SSUH2: variants seen among roughly 807,000 people sequenced by gnomAD.
SSUH2 encodes the protein ssu-2 homolog.
SSUH2 carries 47 observed loss-of-function variants against 55.3 expected under a neutral mutation model. The observed-to-expected ratio is 0.85, with a 90% CI of 0.67 to 1.08. SSUH2 has a LOEUF of 1.08. Ranked by LOEUF, SSUH2 falls within the 50% of genes least tolerant of loss-of-function variation. SSUH2 has a pLI of 0.00. For synonymous variants in SSUH2, 212 were observed against 191.5 expected (o/e 1.11, Z -0.89); for missense variants, 535 against 490.7 (o/e 1.09, Z -0.85).
chr3:8,672,744 G>A (rs1210434081), intron 3 of SSUH2, among the ~76,000 whole-genome samples: 2 of 152,134 alleles, frequency 1.3e-5, no homozygotes, highest in Admixed American at 6.5e-5. Flanking sequence ...CACAAAAGGG[G>A]TGTACACTTC....
intron 3 of SSUH2, chr3:8,634,241 G>T: frequency 6.6e-6 from 4 of 606,396 alleles, no homozygotes; most frequent in South Asian, 1.9e-5. Flanking sequence ...GAAGACCCCA[G>T]CCAGGCACTG....
In SSUH2 at chr3:8,619,845, G is replaced by GGGA; in HGVS notation, c.*22_*23insTCC. 1 of 1,610,004 alleles carries GGGA rather than the reference G, an allele frequency of 6.2e-7. No individual in the cohort carries two copies. The highest frequency in any genetic ancestry group is 8.5e-7 in the Non-Finnish European group (1 of 1,178,028). ...CTTCCTTGGCAAACGTGAATGGCAG[G>GGGA]CTCTGGGGACAGCCATGCTATGTCA... On this transcript the variant is annotated 3_prime_UTR_variant, in exon 12 of 12. Transcript: ENST00000544814.
At chr3:8,655,569 G>C (rs1702851875) in intron 7 of SSUH2, among the ~76,000 whole-genome samples, 1 of 152,076 alleles carries the variant, frequency 6.6e-6, no homozygotes, top group African/African-American at 2.4e-5. Context: ...GGTCTCAGTG[G>C]GTCATTCTTG....
At chr3:8,680,934 G>A (rs1705890706) in intron 1 of SSUH2, among the ~76,000 whole-genome samples, 1 of 151,868 alleles carries the variant, frequency 6.6e-6, no homozygotes, top group Non-Finnish European at 1.5e-5. Flanking sequence ...GGTGAACACT[G>A]CCTGTGATGC....
intron 7 of SSUH2, 47 bp downstream of exon 7, chr3:8,629,617 G>T: frequency 1.2e-5 from 8 of 655,154 alleles, no homozygotes; most frequent in Non-Finnish European, 1.9e-5. Context: ...AGGATCCCCC[G>T]GCCACCACAC....
chr3:8,665,423 G>A (rs1201803222), intron 5 of SSUH2, among the ~76,000 whole-genome samples: 1 of 152,116 alleles, frequency 6.6e-6, no homozygotes, highest in African/African-American at 2.4e-5. Flanking sequence ...ACAGGGAGAG[G>A]TTCATTCTGC....
intron 3 of SSUH2, among the ~76,000 whole-genome samples, chr3:8,674,827 G>C (rs1283644337): frequency 6.6e-6 from 1 of 151,652 alleles, no homozygotes; most frequent in Non-Finnish European, 1.5e-5. Context: ...ACTGAGCTGG[G>C]CCAAGAGAGA....
intron 1 of SSUH2, among the ~76,000 whole-genome samples, chr3:8,643,861 T>C (rs1316042149): frequency 6.6e-6 from 1 of 152,150 alleles, no homozygotes; most frequent in East Asian, 1.9e-4. Flanking sequence ...AATCTCGTTT[T>C]ATAGATGAGA....
rs9990415 is a variant in SSUH2, at chr3:8,644,795, G to A, written c.-37C>T. The A allele has an allele frequency of 5.2e-6, 8 of 1,534,204 alleles. No homozygotes were observed. Among genetic ancestry groups the A allele is most frequent in the Middle Eastern group, 1.7e-4 (1 of 5,986 alleles). Reference sequence around the variant, plus strand: ...CCTGCCAAAGAGATGTCTGCCCTTCGAGTGTGCTTGGACCGATGTGCTCTG... The same window carrying A: ...CCTGCCAAAGAGATGTCTGCCCTTCAAGTGTGCTTGGACCGATGTGCTCTG... On this transcript the variant is annotated 5_prime_UTR_variant, in exon 1 of 12. Coordinates refer to ENST00000544814, the MANE Select transcript of SSUH2 (RefSeq NM_001256748.3).
intron 2 of SSUH2, among the ~76,000 whole-genome samples, chr3:8,679,106 T>C (rs1705729294): frequency 1.0e-5 from 1 of 97,818 alleles, no homozygotes; most frequent in African/African-American, 3.6e-5. Context: ...CTTTCCCCCC[T>C]GGCTCTTAGG....
upstream of SSUH2, among the ~76,000 whole-genome samples, chr3:8,645,655 T>G (rs535914931): frequency 6.6e-6 from 1 of 152,262 alleles, no homozygotes; most frequent in Admixed American, 6.5e-5. Context: ...ACGCCTTGAC[T>G]TCCCCATCCC....
intron 6 of SSUH2, among the ~76,000 whole-genome samples, chr3:8,661,567 C>T (rs1377524693): frequency 6.6e-6 from 1 of 152,210 alleles, no homozygotes; most frequent in Non-Finnish European, 1.5e-5. Flanking sequence ...TGGATGCTGA[C>T]AGGAGGCGTG....
chr3:8,679,493 TC>T lies in SSUH2; in HGVS notation c.-901+211del, dbSNP rs1334140329. On this transcript the variant is annotated intron_variant, in intron 2 of 18. Transcript: ENST00000317371. ...GCGGGGACTGAGAACCAGCCCCTAT[TC>T]CCCCCCTGGCTTTGGGACCCTCATC... Among the ~76,000 whole-genome samples, 5 of 130,098 alleles carry T rather than the reference TC, an allele frequency of 3.8e-5. No individual in the cohort carries two copies. In the East Asian group the frequency reaches 9.1e-4, roughly 24 times the overall value. 85.3% of individuals were successfully genotyped at this position (130,098 alleles called of 152,430 possible). A position where few individuals can be genotyped will look rare whatever the true frequency, so the allele number is the denominator to read the frequency against.
chr3:8,632,543 C>T (rs1195336742), intron 4 of SSUH2, among the ~76,000 whole-genome samples: 1 of 152,200 alleles, frequency 6.6e-6, no homozygotes, highest in African/African-American at 2.4e-5. Flanking sequence ...TCTTGGACAT[C>T]ACTTGCCCTC....
chr3:8,646,181 T>C (rs1407651859), upstream of SSUH2, among the ~76,000 whole-genome samples: 2 of 152,200 alleles, frequency 1.3e-5, no homozygotes, highest in African/African-American at 4.8e-5. Flanking sequence ...ACCCTAAACA[T>C]CTGTGTGAGC....
intron 6 of SSUH2, among the ~76,000 whole-genome samples, chr3:8,663,497 G>A (rs1427903911): frequency 6.7e-6 from 1 of 148,652 alleles, no homozygotes; most frequent in African/African-American, 2.5e-5. Context: ...CAAAGCGACA[G>A]AAAAACACAG....
intron 9 of SSUH2, 83 bp downstream of exon 9, chr3:8,626,146 C>T (rs991870806): frequency 2.6e-6 from 3 of 1,138,380 alleles, no homozygotes; most frequent in African/African-American, 3.0e-5. Context: ...CCCAACCAAC[C>T]ACAGTTTCTC....
upstream of SSUH2, among the ~76,000 whole-genome samples, chr3:8,645,214 A>T (rs1701517876): frequency 6.6e-6 from 1 of 152,176 alleles, no homozygotes; most frequent in South Asian, 2.1e-4. Context: ...TACCTCCCCA[A>T]GGGGGATATT....
chr3:8,625,157 CA>C (rs1004655704), intron 10 of SSUH2, among the ~76,000 whole-genome samples: 14 of 152,040 alleles, frequency 9.2e-5, no homozygotes, highest in African/African-American at 3.1e-4. Context: ...ATGGTCTACC[CA>C]GGGCCAAGAA....
Sources: allele counts gnomAD v4.1 joint callset (sites outside exome capture counted in the v4.1 genomes callset), GRCh38; gene constraint gnomAD v4.1.1; transcripts MANE v1.5; gene names NCBI Gene and HGNC (gene_info 2026-07-23, HGNC 2026-07-21).